Variants in STK32B observed in about 807,000 individuals in gnomAD.
The protein encoded by STK32B is serine/threonine-protein kinase 32B.
Under a neutral mutation model 52.6 loss-of-function variants are expected in STK32B, and 43 were observed. The observed-to-expected ratio is 0.82, with a 90% CI of 0.64 to 1.05. The LOEUF (loss-of-function observed/expected upper bound fraction) is 1.05, where lower values mean the gene tolerates loss of function less well. Among genes scored for constraint, STK32B ranks in the 50% least tolerant of loss-of-function variants. STK32B has a pLI of 0.00. For synonymous variants in STK32B, 238 were observed against 204.3 expected (o/e 1.17, Z -1.41); for missense variants, 621 against 534.6 (o/e 1.16, Z -1.59).
intron 3 of STK32B, among the ~76,000 whole-genome samples, chr4:5,212,909 C>T (rs914752775): frequency 1.3e-5 from 2 of 152,084 alleles, no homozygotes; most frequent in East Asian, 1.9e-4. Flanking sequence ...AGGTCGACAT[C>T]GTTTTTTTAA....
At chr4:5,216,127 G>A (rs1723168836) in intron 3 of STK32B, among the ~76,000 whole-genome samples, 1 of 152,132 alleles carries the variant, frequency 6.6e-6, no homozygotes, top group Admixed American at 6.5e-5. Context: ...GAATCACCTG[G>A]AATGCTTGTT....
chr4:5,203,792 A>G (rs568739627), intron 3 of STK32B, among the ~76,000 whole-genome samples: 103 of 152,134 alleles, frequency 6.8e-4, no homozygotes, highest in Non-Finnish European at 1.1e-3. Context: ...CAGCTTCGTT[A>G]TGCTTCACCT....
intron 4 of STK32B, among the ~76,000 whole-genome samples, chr4:5,366,226 G>A (rs1734868639): frequency 6.6e-6 from 1 of 152,200 alleles, no homozygotes; most frequent in Non-Finnish European, 1.5e-5. Context: ...GGATGGGGAT[G>A]ACAGCCTCAG....
At chr4:5,034,090 C>G in the STK32B span, among the ~76,000 whole-genome samples, 1 of 152,208 alleles carries the variant, frequency 6.6e-6, no homozygotes, top group East Asian at 1.9e-4. Flanking sequence ...ATGCCACATA[C>G]GTTTCCAGGC....
At chr4:5,140,109 T>C in intron 2 of STK32B, 149 bp downstream of exon 2, 1 of 1,423,418 alleles carries the variant, frequency 7.0e-7, no homozygotes, top group Non-Finnish European at 9.8e-7. Flanking sequence ...TCTGAATAGT[T>C]TCCTTGCGAT....
At chr4:5,373,493 C>CT (rs1024980167) in intron 4 of STK32B, among the ~76,000 whole-genome samples, 1 of 152,108 alleles carries the variant, frequency 6.6e-6, no homozygotes, top group African/African-American at 2.4e-5. Flanking sequence ...AAGATCAGAC[C>CT]TTTTGTTCTA....
Position 5,499,022 on chromosome 4 carries a change from T to C in STK32B, c.1184T>C (p.Leu395Pro). Reference protein sequence around the residue: ...SRGGGQAQSKLQDGCNNNLLT... With the variant: ...SRGGGQAQSKPQDGCNNNLLT... The stretch of plus-strand genomic sequence containing the variant: ...GGGGGAGGCCAGGCCCAAAGCAAGC[T>C]CCAGGACGGGTGCAACAACAACCTC... The change falls in exon 12 of 12, where the codon CTC becomes CCC. Residue 395 changes from leucine to proline, a missense_variant. Coordinates refer to ENST00000282908, the MANE Select transcript of STK32B (RefSeq NM_018401.3). 6.2e-7 allele frequency: 1 copy of C among 1,613,686 alleles called. No homozygotes were observed. Among genetic ancestry groups the C allele is most frequent in the Non-Finnish European group, 8.5e-7 (1 of 1,179,766 alleles).
At chr4:5,152,151 ATGAAG>A (rs1359564842) in intron 2 of STK32B, among the ~76,000 whole-genome samples, 5 of 152,242 alleles carry the variant, frequency 3.3e-5, no homozygotes, top group African/African-American at 1.2e-4. Context: ...TCAGCAATTG[ATGAAG>A]TGAAGGTTTA....
chr4:5,458,247 C>T (rs1448244866), intron 8 of STK32B, among the ~76,000 whole-genome samples: 3 of 152,202 alleles, frequency 2.0e-5, no homozygotes, highest in African/African-American at 7.2e-5. Context: ...TTAAGGCTCC[C>T]TTCACATCCT....
chr4:5,493,264 A>T (rs1719908347), intron 11 of STK32B, among the ~76,000 whole-genome samples: 1 of 152,016 alleles, frequency 6.6e-6, no homozygotes, highest in Admixed American at 6.6e-5. Context: ...AGAGCCTGTT[A>T]TTGGTCTATT....
chr4:5,284,383 A>G (rs1388648302), intron 3 of STK32B, among the ~76,000 whole-genome samples: 1 of 152,176 alleles, frequency 6.6e-6, no homozygotes, highest in Non-Finnish European at 1.5e-5. Context: ...TTAGGCAGCA[A>G]TAATAGAAGG....
chr4:5,195,971 A>G (rs762482289), intron 3 of STK32B, among the ~76,000 whole-genome samples: 13 of 152,242 alleles, frequency 8.5e-5, no homozygotes, highest in Non-Finnish European at 1.9e-4. Context: ...TGAAACTTAC[A>G]TGGCATCATT....
chr4:5,349,676 C>A (rs1400494328), intron 4 of STK32B, among the ~76,000 whole-genome samples: 1 of 151,718 alleles, frequency 6.6e-6, no homozygotes. Flanking sequence ...AAAAAGAATT[C>A]AAAATATTGA....
intron 6 of STK32B, among the ~76,000 whole-genome samples, chr4:5,431,323 T>C (rs529011334): frequency 2.9e-4 from 44 of 152,318 alleles, no homozygotes; most frequent in African/African-American, 1.1e-3. Context: ...ATAACATTAA[T>C]TGCCTTGGAT....
At chr4:5,411,613 T>G (rs1480165785) in intron 5 of STK32B, among the ~76,000 whole-genome samples, 2 of 152,200 alleles carry the variant, frequency 1.3e-5, no homozygotes, top group Non-Finnish European at 2.9e-5. Context: ...TATAAAAGGC[T>G]TGACTGTCCA....
intron 6 of STK32B, among the ~76,000 whole-genome samples, chr4:5,425,060 G>A (rs148869057): frequency 1.2e-4 from 19 of 152,266 alleles, no homozygotes; most frequent in East Asian, 1.9e-4. Context: ...TGTTCACCCC[G>A]CCACAGCCAG....
chr4:5,310,430 G>GA (rs1220052716), intron 3 of STK32B, among the ~76,000 whole-genome samples: 1 of 152,074 alleles, frequency 6.6e-6, no homozygotes, highest in Non-Finnish European at 1.5e-5. Context: ...AAACGTATGT[G>GA]AAAAAATGTT....
chr4:5,071,105 C>T (rs1000514157), intron 1 of STK32B, among the ~76,000 whole-genome samples: 3 of 152,130 alleles, frequency 2.0e-5, no homozygotes, highest in South Asian at 2.1e-4. Context: ...GAAGCTGGCT[C>T]TATTAGTAGA....
intron 3 of STK32B, among the ~76,000 whole-genome samples, chr4:5,235,380 C>G (rs375715422): frequency 2.8e-4 from 42 of 152,302 alleles, no homozygotes; most frequent in African/African-American, 1.0e-3. Context: ...GTTACTCAGC[C>G]ACACTGTCCT....
Sources: allele counts gnomAD v4.1 joint callset (sites outside exome capture counted in the v4.1 genomes callset), GRCh38; gene constraint gnomAD v4.1.1; transcripts MANE v1.5; gene names NCBI Gene and HGNC (gene_info 2026-07-23, HGNC 2026-07-21).